Variants in CERK observed in about 807,000 individuals in gnomAD.
The protein encoded by CERK is ceramide kinase.
A neutral mutation model predicts 63.4 loss-of-function variants in CERK; 39 were observed. That is an observed-to-expected ratio of 0.61 (90% CI 0.48 to 0.80). CERK has a LOEUF of 0.80. CERK is among the 30% of genes least tolerant of loss of function. The probability of loss-of-function intolerance (pLI) is 0.00; values close to 1 mark genes in which losing one functional copy is unlikely to be tolerated. For synonymous variants in CERK, 302 were observed against 280.0 expected, an observed-to-expected ratio of 1.08 and a Z score of -0.78; for missense variants, 670 against 714.1, an observed-to-expected ratio of 0.94 and a Z score of 0.70.
chr22:46,721,142 G>C (rs1485897786), intron 1 of CERK, 127 bp from the exon 2 acceptor site: 1 of 669,732 alleles, frequency 1.5e-6, no homozygotes, highest in East Asian at 2.7e-5. Flanking sequence ...GCTGGGTGTG[G>C]TGGTGTGCAC....
intron 6 of CERK, among the ~76,000 whole-genome samples, chr22:46,704,342 G>A (rs2082802995): frequency 6.6e-6 from 1 of 152,212 alleles, no homozygotes; most frequent in South Asian, 2.1e-4. Context: ...GGCAAATGGT[G>A]ACAAAAGACA....
rs1448427856 is a variant in CERK, at chr22:46,686,128, A to T, written c.*1006T>A. Reference sequence around the variant, plus strand: ...CAGCGATCCATCGTGGCTTCGAGGCAAAAGACAGACATCCGAGACGCAGTT... The same window carrying T: ...CAGCGATCCATCGTGGCTTCGAGGCTAAAGACAGACATCCGAGACGCAGTT... On this transcript the variant is annotated 3_prime_UTR_variant, in exon 13 of 13. Coordinates refer to ENST00000216264, the MANE Select transcript of CERK (RefSeq NM_022766.6). 6.6e-6 allele frequency: 1 copy of T among 152,174 alleles called. No homozygotes were observed. Among genetic ancestry groups the T allele is most frequent in the African/African-American group, 2.4e-5 (1 of 41,444 alleles). 9.4% of individuals were successfully genotyped at this position (152,174 alleles called of 1,614,324 possible). A position where few individuals can be genotyped will look rare whatever the true frequency, so the allele number is the denominator to read the frequency against.
At chr22:46,733,952 C>G (rs980383569) in intron 1 of CERK, among the ~76,000 whole-genome samples, 2 of 152,020 alleles carry the variant, frequency 1.3e-5, no homozygotes, top group African/African-American at 4.8e-5. Context: ...AGGAGAATCA[C>G]TTGAACCCGG....
At chr22:46,734,656 A>G (rs545918463) in intron 1 of CERK, among the ~76,000 whole-genome samples, 57 of 152,322 alleles carry the variant, frequency 3.7e-4, no homozygotes, top group Admixed American at 4.6e-4. Context: ...TTAGACCTTG[A>G]TAAAATCGAT....
chr22:46,716,487 G>T (rs983397580), intron 3 of CERK, among the ~76,000 whole-genome samples: 9 of 146,904 alleles, frequency 6.1e-5, no homozygotes, highest in East Asian at 2.0e-4. Flanking sequence ...CACCATGCCC[G>T]GCCAAGACCC....
chr22:46,728,511 C>T (rs182635540), intron 1 of CERK, among the ~76,000 whole-genome samples: 17 of 152,304 alleles, frequency 1.1e-4, no homozygotes. Flanking sequence ...AGGGGCGTCT[C>T]AGAGGGCTAT....
At chr22:46,705,174 C>T (rs2082807044) in intron 6 of CERK, among the ~76,000 whole-genome samples, 1 of 152,226 alleles carries the variant, frequency 6.6e-6, no homozygotes, top group Non-Finnish European at 1.5e-5. Flanking sequence ...ACAAGGAAAT[C>T]ATGACCTGGA....
intron 8 of CERK, among the ~76,000 whole-genome samples, chr22:46,697,187 G>C (rs1601711644): frequency 6.6e-6 from 1 of 152,266 alleles, no homozygotes; most frequent in African/African-American, 2.4e-5. Flanking sequence ...TTAGTATCAG[G>C]AATTACTCGA....
intron 1 of CERK, among the ~76,000 whole-genome samples, chr22:46,723,878 A>T (rs2082904983): frequency 6.6e-6 from 1 of 152,008 alleles, no homozygotes; most frequent in African/African-American, 2.4e-5. Context: ...TTGTACTTTT[A>T]GTAGAGACGG....
intron 11 of CERK, among the ~76,000 whole-genome samples, chr22:46,691,221 C>T (rs2082730015): frequency 6.6e-6 from 1 of 152,014 alleles, no homozygotes; most frequent in Non-Finnish European, 1.5e-5. Flanking sequence ...ATTACAGGCG[C>T]ACGCCACCAC....
chr22:46,711,073 A>G lies in CERK; in HGVS notation c.569+13T>C, dbSNP rs756212198. On this transcript the variant is annotated intron_variant, in intron 5 of 12. Transcript: ENST00000216264. Reference sequence around the variant, plus strand: ...ACAATGGACTTGATGGCGATGAAAGACGGCTTACTCACCCGTCGTATTTGT... The same window carrying G: ...ACAATGGACTTGATGGCGATGAAAGGCGGCTTACTCACCCGTCGTATTTGT... 9 of 1,608,296 alleles carry G rather than the reference A, an allele frequency of 5.6e-6. No homozygotes were observed. Among genetic ancestry groups the G allele is most frequent in the Admixed American group, 5.0e-5 (3 of 59,810 alleles).
chr22:46,736,723 A>G lies in CERK; in HGVS notation c.142+1284T>C, dbSNP rs183121599. On this transcript the variant is annotated intron_variant, in intron 1 of 12. Coordinates refer to ENST00000216264, the MANE Select transcript of CERK (RefSeq NM_022766.6). ...ACAGATAGGTGACCCCAGGGCTGGA[A>G]ACCAAGTGTTGGTCATGGGTCTGAG... Among the ~76,000 whole-genome samples, 8 of 152,248 alleles carry G rather than the reference A, an allele frequency of 5.3e-5. No homozygotes were observed. In the East Asian group the frequency reaches 1.5e-3, roughly 29 times the overall value.
intron 5 of CERK, among the ~76,000 whole-genome samples, chr22:46,708,717 T>C (rs1461832034): frequency 6.6e-6 from 1 of 152,002 alleles, no homozygotes; most frequent in African/African-American, 2.4e-5. Flanking sequence ...GAATGAGAGG[T>C]GCAGGCATGG....
At chr22:46,710,434 GAA>G (rs113298775) in intron 5 of CERK, among the ~76,000 whole-genome samples, 5 of 103,786 alleles carry the variant, frequency 4.8e-5, no homozygotes, top group African/African-American at 6.7e-5. Context: ...CCTCAAAAAC[GAA>G]AAAAAAAAAA....
chr22:46,717,208 T>G (rs2082870872), intron 3 of CERK, among the ~76,000 whole-genome samples: 1 of 152,182 alleles, frequency 6.6e-6, no homozygotes. Context: ...GAGGGTGGAA[T>G]GCAGGCTGGC....
At chr22:46,693,361 G>C in intron 10 of CERK, 66 bp downstream of exon 10, 1 of 1,326,696 alleles carries the variant, frequency 7.5e-7, no homozygotes, top group Non-Finnish European at 1.1e-6. Context: ...AGTGCCCTGA[G>C]AGAGGACAGA....
At chr22:46,728,335 C>T (rs1172848633) in intron 1 of CERK, among the ~76,000 whole-genome samples, 1 of 152,128 alleles carries the variant, frequency 6.6e-6, no homozygotes, top group Non-Finnish European at 1.5e-5. Flanking sequence ...TCCCCCCGTG[C>T]ACCCTGCTAT....
chr22:46,708,513 G>A (rs532284124), intron 5 of CERK, among the ~76,000 whole-genome samples: 63 of 152,364 alleles, frequency 4.1e-4, no homozygotes, highest in African/African-American at 1.3e-3. Flanking sequence ...ATCACCAGCC[G>A]TGTGGGTGGT....
In CERK at chr22:46,686,837, C is replaced by T; in HGVS notation, c.*297G>A. ...TTATTGCAATAGAGCCACTAACGGG[C>T]CATTTTCTAAACTACACTGTTGACA... is the stretch of plus-strand genomic sequence containing the variant. On this transcript the variant is annotated 3_prime_UTR_variant, in exon 13 of 13. Transcript: ENST00000216264. 2.9e-6 allele frequency: 1 copy of T among 347,502 alleles called. No individual in the cohort carries two copies. Among genetic ancestry groups the T allele is most frequent in the Non-Finnish European group, 5.4e-6 (1 of 185,578 alleles). The allele number at this position is 347,502 out of a possible 1,614,324, so 21.5% of individuals were successfully genotyped here.
Sources: gnomAD v4.1 joint callset for allele counts (sites outside exome capture counted in the v4.1 genomes callset) on GRCh38, gnomAD v4.1.1 for gene constraint, MANE v1.5 for transcripts, NCBI Gene and HGNC (gene_info 2026-07-23, HGNC 2026-07-21) for gene names.